The following C1orf21 variants were observed in gnomAD, a reference collection of about 807,000 sequenced individuals.
C1orf21 encodes chromosome 1 open reading frame 21.
Under a neutral mutation model 18.7 loss-of-function variants are expected in C1orf21, and 3 were observed. That is an observed-to-expected ratio of 0.16 (90% confidence interval 0.07 to 0.42). C1orf21 has a LOEUF of 0.42. C1orf21 is among the 10% of genes least tolerant of loss of function. The probability of loss-of-function intolerance (pLI) is 0.99; values close to 1 mark genes in which losing one functional copy is unlikely to be tolerated. For synonymous variants in C1orf21, 41 were observed against 46.4 expected (o/e 0.88, Z 0.47); for missense variants, 104 against 143.6 (o/e 0.72, Z 1.41).
In C1orf21 at chr1:184,566,049, G is replaced by A. The variant is rs550519293; in HGVS notation, c.190-24690G>A. Among the ~76,000 whole-genome samples, 91 of 152,280 alleles carry A rather than the reference G, an allele frequency of 6.0e-4. 1 individual carries two copies. The Middle Eastern group carries it at 0.02, about 34-fold the overall frequency. On this transcript the variant is annotated intron_variant, in intron 3 of 5. Coordinates refer to ENST00000235307, the MANE Select transcript of C1orf21 (RefSeq NM_030806.4). ...TGAGAACTTCCAACTTTTGTTGTAC[G>A]TTGTTTAAAATTGTGGATTAGGGTT...
intron 3 of C1orf21, among the ~76,000 whole-genome samples, chr1:184,552,951 C>T (rs557967357): frequency 7.9e-5 from 12 of 152,166 alleles, no homozygotes; most frequent in Non-Finnish European, 1.5e-4. Context: ...GACATGTCTG[C>T]TCAACAATGA....
At chr1:184,443,690 T>G (rs78816564) in intron 1 of C1orf21, among the ~76,000 whole-genome samples, 6,878 of 152,266 alleles carry the variant, frequency 0.045, 164 homozygotes, top group African/African-American at 0.051. Flanking sequence ...CTATCCTCCC[T>G]CAAGCCTGCA....
chr1:184,462,529 G>T (rs1234242297), intron 1 of C1orf21, among the ~76,000 whole-genome samples: 1 of 152,078 alleles, frequency 6.6e-6, no homozygotes, highest in Non-Finnish European at 1.5e-5. Flanking sequence ...TAGATTAGGA[G>T]GTCTCTTGAC....
intron 1 of C1orf21, among the ~76,000 whole-genome samples, chr1:184,433,301 C>T (rs933397401): frequency 5.3e-5 from 8 of 151,982 alleles, no homozygotes; most frequent in African/African-American, 1.9e-4. Context: ...GCTGGGCTGG[C>T]AGAGAGGAGT....
At chr1:184,528,516 C>T (rs1658410790) in intron 3 of C1orf21, among the ~76,000 whole-genome samples, 1 of 152,132 alleles carries the variant, frequency 6.6e-6, no homozygotes, top group African/African-American at 2.4e-5. Context: ...GCAATCTCAG[C>T]TCACTGCAAC....
At position 184,535,738 on chromosome 1, in the gene C1orf21, C is replaced by T. The variant is rs201629253; in HGVS notation, c.189+28056C>T. Among the ~76,000 whole-genome samples, 5 of 152,240 alleles carry T rather than the reference C, an allele frequency of 3.3e-5. No homozygotes were observed. In the East Asian group the frequency reaches 7.7e-4, roughly 24 times the overall value. ...CTTTCACCACTCAGAGCCAAGTTCCCATCACGTTTGAAGGCTTACTGTTCC... is the reference window on the plus strand; with the variant it reads ...CTTTCACCACTCAGAGCCAAGTTCCTATCACGTTTGAAGGCTTACTGTTCC... On this transcript the variant is annotated intron_variant, in intron 3 of 5. Coordinates refer to ENST00000235307, the MANE Select transcript of C1orf21 (RefSeq NM_030806.4).
chr1:184,423,820 A>T (rs760103207), intron 1 of C1orf21, among the ~76,000 whole-genome samples: 5 of 151,220 alleles, frequency 3.3e-5, no homozygotes, highest in Non-Finnish European at 7.4e-5. Context: ...CCATCCATCC[A>T]TCTACCCATC....
At chr1:184,431,997 G>A (rs557730099) in intron 1 of C1orf21, among the ~76,000 whole-genome samples, 46 of 152,326 alleles carry the variant, frequency 3.0e-4, no homozygotes, top group African/African-American at 1.1e-3. Context: ...CAGTTAGAAT[G>A]GCGATCATTA....
At chr1:184,538,381 T>G (rs949210440) in intron 3 of C1orf21, among the ~76,000 whole-genome samples, 1 of 152,240 alleles carries the variant, frequency 6.6e-6, no homozygotes, top group South Asian at 2.1e-4. Context: ...TTAATAGATA[T>G]GCGATTTCAA....
chr1:184,484,208 C>T (rs572491347), intron 2 of C1orf21, among the ~76,000 whole-genome samples: 7 of 152,226 alleles, frequency 4.6e-5, no homozygotes, highest in South Asian at 2.1e-4. Context: ...AGATTACAGG[C>T]GCAGCCTTGT....
chr1:184,561,454 G>A (rs1658962993), intron 3 of C1orf21, among the ~76,000 whole-genome samples: 1 of 152,174 alleles, frequency 6.6e-6, no homozygotes, highest in Non-Finnish European at 1.5e-5. Flanking sequence ...TGGCATTTTA[G>A]GATCAGTAGA....
intron 1 of C1orf21, among the ~76,000 whole-genome samples, chr1:184,475,049 T>G (rs1479072756): frequency 6.6e-6 from 1 of 152,114 alleles, no homozygotes; most frequent in Non-Finnish European, 1.5e-5. Flanking sequence ...AAACAGCAAC[T>G]CGCAGCAGCC....
chr1:184,567,600 G>C (rs543969200), intron 3 of C1orf21: 1 of 447,982 alleles, frequency 2.2e-6, no homozygotes, highest in South Asian at 1.8e-5. Flanking sequence ...TTGGGATTTC[G>C]TTGGTGGGGC....
rs147404700 is a variant in C1orf21, at chr1:184,616,584, A to G, written c.328-2934A>G. ...TGGGGAGCCTTTACTGTGGTTTGAAATGGTCCTTCTACTACATAACCCAGA... is the reference window on the plus strand; with the variant it reads ...TGGGGAGCCTTTACTGTGGTTTGAAGTGGTCCTTCTACTACATAACCCAGA... On this transcript the variant is annotated intron_variant, in intron 5 of 5. Coordinates refer to ENST00000235307, the MANE Select transcript of C1orf21 (RefSeq NM_030806.4). 2.1e-3 allele frequency among the ~76,000 whole-genome samples: 322 copies of G among 152,330 alleles called. 1 individual carries two copies. The highest frequency in any genetic ancestry group is 6.8e-3 in the Middle Eastern group (2 of 294).
intron 5 of C1orf21, among the ~76,000 whole-genome samples, chr1:184,616,074 T>C (rs1659819974): frequency 6.6e-6 from 1 of 152,192 alleles, no homozygotes; most frequent in Admixed American, 6.5e-5. Flanking sequence ...CCAAGCCTAC[T>C]ATCCTTTGCA....
rs577399403 is a variant in C1orf21 at position 184,599,446 on chromosome 1, T to G, written c.327+985T>G. On this transcript the variant is annotated intron_variant, in intron 5 of 5. Transcript: ENST00000235307. ...TTTAGCAGCAGATCCCACTTTGACA[T>G]GGACCCTCTGAGAGAATAATTGTAT... The G allele has an allele frequency of 9.8e-5, 15 of 152,312 alleles. No individual in the cohort carries two copies. The East Asian group carries it at 2.7e-3, about 27-fold the overall frequency. The allele number at this position is 152,312 out of a possible 1,614,324, so 9.4% of individuals were successfully genotyped here.
intron 1 of C1orf21, among the ~76,000 whole-genome samples, chr1:184,396,728 T>A (rs1656055867): frequency 3.3e-5 from 5 of 152,208 alleles, no homozygotes; most frequent in Admixed American, 3.3e-4. Flanking sequence ...TATTCTACCC[T>A]CTTACCACAC....
chr1:184,472,727 C>A (rs764946229), intron 1 of C1orf21, among the ~76,000 whole-genome samples: 1 of 151,746 alleles, frequency 6.6e-6, no homozygotes, highest in South Asian at 2.1e-4. Flanking sequence ...TATAATCTTT[C>A]CTTATAAAAG....
At chr1:184,404,483 C>T (rs549888770) in intron 1 of C1orf21, among the ~76,000 whole-genome samples, 2 of 152,144 alleles carry the variant, frequency 1.3e-5, no homozygotes, top group African/African-American at 2.4e-5. Flanking sequence ...AGGGGAGGAA[C>T]GGGAAAGCAG....
Sources: gnomAD v4.1 joint callset for allele counts (sites outside exome capture counted in the v4.1 genomes callset) on GRCh38, gnomAD v4.1.1 for gene constraint, MANE v1.5 for transcripts, NCBI Gene and HGNC (gene_info 2026-07-23, HGNC 2026-07-21) for gene names.